Variants in GLYR1 observed in about 807,000 individuals in gnomAD.
GLYR1 encodes cytokine-like nuclear factor N-PAC.
GLYR1 carries 21 observed loss-of-function variants against 72.7 expected under a neutral mutation model. The ratio of observed to expected loss-of-function variants is 0.29; its 90% CI spans 0.20 to 0.42. GLYR1 has a LOEUF of 0.42. Ranked by LOEUF, GLYR1 falls within the 10% of genes least tolerant of loss-of-function variation. The pLI is 1.00. For missense variants in GLYR1, 594 were observed against 712.1 expected (o/e 0.83, Z 1.89); for synonymous variants, 392 against 270.2 (o/e 1.45, Z -4.42).
At chr16:4,826,078 C>G (rs1289987372) in intron 5 of GLYR1, among the ~76,000 whole-genome samples, 1 of 151,678 alleles carries the variant, frequency 6.6e-6, no homozygotes, top group Non-Finnish European at 1.5e-5. Flanking sequence ...GAGGCATAGT[C>G]TAGCTGTCAC....
chr16:4,841,883 C>T (rs1277918182), intron 3 of GLYR1, among the ~76,000 whole-genome samples: 1 of 152,236 alleles, frequency 6.6e-6, no homozygotes, highest in Non-Finnish European at 1.5e-5. Context: ...GGTATCCCCA[C>T]TGTCTGAAAT....
intron 3 of GLYR1, chr16:4,843,313 C>A: frequency 3.3e-6 from 1 of 306,402 alleles, no homozygotes; most frequent in South Asian, 4.1e-5. Context: ...CGCCAACACT[C>A]CTGGCTAATT....
chr16:4,827,031 G>C (rs565153393), intron 5 of GLYR1, among the ~76,000 whole-genome samples: 23 of 152,374 alleles, frequency 1.5e-4, no homozygotes, highest in African/African-American at 5.3e-4. Flanking sequence ...TGTGCCCAGA[G>C]TTCATCCCCA....
chr16:4,832,950 T>C (rs771885208), intron 3 of GLYR1, 38 bp from the exon 4 acceptor site: 8 of 1,577,626 alleles, frequency 5.1e-6, no homozygotes, highest in Middle Eastern at 3.4e-4. Flanking sequence ...GTGAACCATA[T>C]AGCATATGCC....
intron 9 of GLYR1, among the ~76,000 whole-genome samples, chr16:4,819,261 C>T (rs2083856305): frequency 6.6e-6 from 1 of 152,094 alleles, no homozygotes; most frequent in Admixed American, 6.6e-5. Flanking sequence ...AATCCTCTCA[C>T]CTCAGCCTCC....
chr16:4,812,783 G>T (rs571473543), intron 12 of GLYR1, among the ~76,000 whole-genome samples: 1 of 151,310 alleles, frequency 6.6e-6, no homozygotes, highest in Non-Finnish European at 1.5e-5. Flanking sequence ...GAGCCACCAC[G>T]CCTGGCCGGA....
At chr16:4,835,204 T>C (rs190187462) in intron 3 of GLYR1, among the ~76,000 whole-genome samples, 8 of 152,126 alleles carry the variant, frequency 5.3e-5, no homozygotes, top group Admixed American at 5.2e-4. Flanking sequence ...CCTCCATCCC[T>C]GCCTCCCACT....
At chr16:4,841,575 G>C (rs1217575806) in intron 3 of GLYR1, among the ~76,000 whole-genome samples, 1 of 151,056 alleles carries the variant, frequency 6.6e-6, no homozygotes, top group Non-Finnish European at 1.5e-5. Context: ...AGCCTGGGAA[G>C]TCAAGGATGC....
chr16:4,828,706 G>A (rs13333419), intron 5 of GLYR1, among the ~76,000 whole-genome samples: 19,399 of 152,054 alleles, frequency 0.13, 1,818 homozygotes, highest in African/African-American at 0.25. Context: ...TCTAAGTGCT[G>A]TGTCCATGTC....
At chr16:4,832,944 A>G in intron 3 of GLYR1, 32 bp from the exon 4 acceptor site, 1 of 1,592,978 alleles carries the variant, frequency 6.3e-7, no homozygotes, top group Non-Finnish European at 8.6e-7. Flanking sequence ...AAGGGTGTGA[A>G]CCATATAGCA....
chr16:4,837,160 G>A (rs550463689), intron 3 of GLYR1, among the ~76,000 whole-genome samples: 3 of 152,184 alleles, frequency 2.0e-5, no homozygotes, highest in Admixed American at 6.5e-5. Flanking sequence ...TGTAGGGCCC[G>A]GTGCGGTGGC....
At chr16:4,819,652 G>A (rs926117134) in intron 9 of GLYR1, among the ~76,000 whole-genome samples, 4 of 152,042 alleles carry the variant, frequency 2.6e-5, no homozygotes, top group African/African-American at 7.3e-5. Context: ...GGATGTCCCC[G>A]GCAGCTCCTC....
At chr16:4,811,901 G>A in intron 13 of GLYR1, 99 bp from the exon 14 acceptor site, 2 of 1,459,210 alleles carry the variant, frequency 1.4e-6, no homozygotes, top group African/African-American at 1.4e-5. Context: ...CTCTCCAGGG[G>A]AGGCCCCCTT....
At chr16:4,823,600 C>G (rs953083349) in intron 6 of GLYR1, among the ~76,000 whole-genome samples, 1 of 152,178 alleles carries the variant, frequency 6.6e-6, no homozygotes, top group Non-Finnish European at 1.5e-5. Context: ...TAAATGAATG[C>G]TAAGTGGGCA....
At chr16:4,836,924 G>T (rs2142029454) in intron 3 of GLYR1, among the ~76,000 whole-genome samples, 1 of 152,150 alleles carries the variant, frequency 6.6e-6, no homozygotes, top group African/African-American at 2.4e-5. Flanking sequence ...TTGCAGGTTT[G>T]CTCTGGTGGG....
chr16:4,828,278 C>G (rs1244709732), intron 5 of GLYR1, among the ~76,000 whole-genome samples: 1 of 151,888 alleles, frequency 6.6e-6, no homozygotes, highest in African/African-American at 2.4e-5. Flanking sequence ...ACCGTGTTAG[C>G]CAGGATGGTC....
chr16:4,823,754 A>AG, intron 6 of GLYR1, 67 bp downstream of exon 6: 1 of 1,215,066 alleles, frequency 8.2e-7, no homozygotes, highest in Non-Finnish European at 1.2e-6. Context: ...AAAAAAAAAA[A>AG]AAAAAGGATC....
chr16:4,847,055 G>A (rs374014101), intron 1 of GLYR1, 173 bp downstream of exon 1: 1 of 613,732 alleles, frequency 1.6e-6, no homozygotes, highest in East Asian at 3.1e-5. Context: ...TCGGTCCCCC[G>A]GGACTGGACT....
At chr16:4,828,271 G>A (rs376114532) in intron 5 of GLYR1, among the ~76,000 whole-genome samples, 11 of 151,766 alleles carry the variant, frequency 7.2e-5, no homozygotes, top group South Asian at 4.2e-4. Flanking sequence ...GGGTTTCACC[G>A]TGTTAGCCAG....
Sources: allele counts gnomAD v4.1 joint callset (sites outside exome capture counted in the v4.1 genomes callset), GRCh38; gene constraint gnomAD v4.1.1; transcripts MANE v1.5; gene names NCBI Gene and HGNC (gene_info 2026-07-23, HGNC 2026-07-21).